KCNQ5: variants seen among roughly 807,000 people sequenced by gnomAD.
The protein encoded by KCNQ5 is potassium voltage-gated channel subfamily Q member 5.
KCNQ5 carries 30 observed loss-of-function variants against 98.2 expected under a neutral mutation model. That is an observed-to-expected ratio of 0.31 (90% CI 0.23 to 0.41). KCNQ5 has a LOEUF of 0.41. Ranked by LOEUF, KCNQ5 falls within the 10% of genes least tolerant of loss-of-function variation. KCNQ5 has a pLI of 1.00. For missense variants in KCNQ5, 835 were observed against 1,182.5 expected (o/e 0.71, Z 4.31); for synonymous variants, 458 against 449.4 (o/e 1.02, Z -0.24).
chr6:73,125,741 AG>A (rs1481735827), intron 9 of KCNQ5, among the ~76,000 whole-genome samples: 1 of 152,202 alleles, frequency 6.6e-6, no homozygotes, highest in Non-Finnish European at 1.5e-5. Flanking sequence ...GATGGGAGAT[AG>A]GCACGATAGG....
chr6:72,630,069 A>G lies in KCNQ5; in HGVS notation c.398+7482A>G, dbSNP rs890880349. 2.0e-5 allele frequency among the ~76,000 whole-genome samples: 3 copies of G among 152,242 alleles called. No homozygotes were observed. The East Asian group carries it at 5.8e-4, about 29-fold the overall frequency. ...ATATTTCATACTCATACAAATACAC[A>G]TGCAACATAAGCACATACATACTGT... On this transcript the variant is annotated intron_variant, in intron 1 of 13. Coordinates refer to ENST00000370398, the MANE Select transcript of KCNQ5 (RefSeq NM_019842.4).
rs577792931 is a variant in KCNQ5, at chr6:73,095,310, TA to T, written c.919-9946del. Among the ~76,000 whole-genome samples, 998 of 152,304 alleles carry T rather than the reference TA, an allele frequency of 6.6e-3. 5 individuals are homozygous for T. Among genetic ancestry groups the T allele is most frequent in the African/African-American group, 0.023 (940 of 41,560 alleles). On this transcript the variant is annotated intron_variant, in intron 5 of 13. Transcript: ENST00000370398. ...TATTTATGCTATCTATTTCCTTGAA[TA>T]TTTCTCCCTTCACTTCTTGTATCAT...
At chr6:72,698,306 C>T (rs543166472) in intron 1 of KCNQ5, among the ~76,000 whole-genome samples, 158 of 152,130 alleles carry the variant, frequency 1.0e-3, no homozygotes, top group African/African-American at 3.7e-3. Context: ...CAGGCTCAAG[C>T]GACTCTCCTG....
intron 1 of KCNQ5, among the ~76,000 whole-genome samples, chr6:72,876,624 CA>C (rs1209548103): frequency 6.6e-6 from 1 of 152,080 alleles, no homozygotes; most frequent in African/African-American, 2.4e-5. Context: ...AAGCAGATAG[CA>C]CAAGTTAAAA....
intron 3 of KCNQ5, 48 bp from the exon 4 acceptor site, chr6:73,077,274 A>T: frequency 1.9e-6 from 3 of 1,554,422 alleles, no homozygotes; most frequent in Non-Finnish European, 2.6e-6. Flanking sequence ...TGGTAAATAA[A>T]AATTCCTGGT....
chr6:72,784,435 A>G lies in KCNQ5; in HGVS notation c.398+161848A>G, dbSNP rs140298783. On this transcript the variant is annotated intron_variant, in intron 1 of 13. Transcript: ENST00000370398. ...CTGTGGAGGGGAGAAGACTTTTATT[A>G]TAATAATATTATAAACAATAGTTAC... 2.7e-3 allele frequency among the ~76,000 whole-genome samples: 406 copies of G among 152,316 alleles called. 2 individuals carry two copies. The highest frequency in any genetic ancestry group is 9.3e-3 in the African/African-American group (385 of 41,554).
rs112667618 is a variant in KCNQ5, at chr6:73,092,582, C to T, written c.919-12675C>T. On this transcript the variant is annotated intron_variant, in intron 5 of 13. Coordinates refer to ENST00000370398, the MANE Select transcript of KCNQ5 (RefSeq NM_019842.4). ...TATGACATTTTATTGTCATAGATGT[C>T]CTTTGTGTACCAGTTTTGTTGAGAG... Among the ~76,000 whole-genome samples, 983 of 152,094 alleles carry T rather than the reference C, an allele frequency of 6.5e-3. 16 individuals are homozygous for T. Among genetic ancestry groups the T allele is most frequent in the African/African-American group, 0.023 (957 of 41,488 alleles).
intron 1 of KCNQ5, among the ~76,000 whole-genome samples, chr6:72,876,694 A>G (rs530664742): frequency 6.6e-6 from 1 of 152,338 alleles, no homozygotes; most frequent in Non-Finnish European, 1.5e-5. Context: ...GTATTATACT[A>G]AGCATTTGTT....
intron 1 of KCNQ5, among the ~76,000 whole-genome samples, chr6:72,692,787 G>C (rs1208581682): frequency 6.6e-6 from 1 of 152,138 alleles, no homozygotes; most frequent in East Asian, 1.9e-4. Context: ...GTAGCAAAGA[G>C]ACAAAGTAAT....
intron 10 of KCNQ5, among the ~76,000 whole-genome samples, chr6:73,147,715 A>G (rs916810555): frequency 1.3e-5 from 2 of 152,200 alleles, no homozygotes; most frequent in Non-Finnish European, 2.9e-5. Flanking sequence ...GAACAAATAA[A>G]TGGTTTACTA....
In KCNQ5 at chr6:73,088,305, G is replaced by A. The variant is rs533869100; in HGVS notation, c.918+10418G>A. 9.2e-5 allele frequency among the ~76,000 whole-genome samples: 14 copies of A among 152,232 alleles called. No homozygotes were observed. The South Asian group carries it at 1.7e-3, about 18-fold the overall frequency. On this transcript the variant is annotated intron_variant, in intron 5 of 13. Coordinates refer to ENST00000370398, the MANE Select transcript of KCNQ5 (RefSeq NM_019842.4). ...CAAAGTGCTGAGATTACAGGCATAAGCCACCGTGCCCAGACTCACTGTCCT... is the reference window on the plus strand; with the variant it reads ...CAAAGTGCTGAGATTACAGGCATAAACCACCGTGCCCAGACTCACTGTCCT...
At chr6:72,902,000 G>A (rs1288689159) in intron 1 of KCNQ5, among the ~76,000 whole-genome samples, 2 of 152,098 alleles carry the variant, frequency 1.3e-5, no homozygotes, top group Non-Finnish European at 2.9e-5. Context: ...GTTTTCATTT[G>A]TGTGTATCAT....
rs369705896 is a variant in KCNQ5, at chr6:73,124,578, T to G, written c.1247+66T>G. On this transcript the variant is annotated intron_variant, in intron 9 of 13. Transcript: ENST00000370398. ...TGATACCTACCAGGTGTTTTAAATG[T>G]GTCTCATGTGAGTAAAATCGATCAA... The G allele has an allele frequency of 3.6e-4, 497 of 1,379,682 alleles. 9 individuals are homozygous for G. In the South Asian group the frequency reaches 5.4e-3, roughly 15 times the overall value. The allele number at this position is 1,379,682 out of a possible 1,614,324, so 85.5% of individuals were successfully genotyped here. A position where few individuals can be genotyped will look rare whatever the true frequency, so the allele number is the denominator to read the frequency against.
At chr6:72,905,620 G>T (rs1779668448) in intron 1 of KCNQ5, among the ~76,000 whole-genome samples, 1 of 152,120 alleles carries the variant, frequency 6.6e-6, no homozygotes, top group African/African-American at 2.4e-5. Context: ...CTTCCTGAGA[G>T]CCAAGCTGTA....
chr6:73,002,461 T>A (rs1769624704), intron 1 of KCNQ5, among the ~76,000 whole-genome samples: 1 of 152,210 alleles, frequency 6.6e-6, no homozygotes, highest in South Asian at 2.1e-4. Flanking sequence ...ATTCCATAAA[T>A]TTCTGGGGAT....
rs372947900 is a variant in KCNQ5 at position 72,956,258 on chromosome 6, A to C, written c.399-47650A>C. On this transcript the variant is annotated intron_variant, in intron 1 of 13. Transcript: ENST00000370398. ...ACTCAGAGAGGTTGCTCAAAGCCAC[A>C]CAACAAGTCAGTTATCAGAAGAAGA... 2.8e-4 allele frequency among the ~76,000 whole-genome samples: 43 copies of C among 152,292 alleles called. No homozygotes were observed. The South Asian group carries it at 8.9e-3, about 32-fold the overall frequency.
intron 1 of KCNQ5, among the ~76,000 whole-genome samples, chr6:72,724,684 C>T (rs1770167804): frequency 6.6e-6 from 1 of 152,076 alleles, no homozygotes; most frequent in African/African-American, 2.4e-5. Flanking sequence ...CCCTTGTGTC[C>T]CTCCTTGGCC....
chr6:72,970,083 A>G (rs1467323673), intron 1 of KCNQ5, among the ~76,000 whole-genome samples: 1 of 152,022 alleles, frequency 6.6e-6, no homozygotes, highest in Non-Finnish European at 1.5e-5. Flanking sequence ...ACATAGCAAG[A>G]CCCTATCTCT....
At chr6:72,675,792 T>A (rs1260369932) in intron 1 of KCNQ5, among the ~76,000 whole-genome samples, 1 of 152,180 alleles carries the variant, frequency 6.6e-6, no homozygotes, top group Non-Finnish European at 1.5e-5. Context: ...CCTGTAGCCT[T>A]ATACCATTAA....
Sources: gnomAD v4.1 joint callset for allele counts (sites outside exome capture counted in the v4.1 genomes callset) on GRCh38, gnomAD v4.1.1 for gene constraint, MANE v1.5 for transcripts, NCBI Gene and HGNC (gene_info 2026-07-23, HGNC 2026-07-21) for gene names.